Variants in PPFIA4 observed in about 807,000 individuals in gnomAD.
PPFIA4 encodes the protein PPFI scaffold protein A4.
A neutral mutation model predicts 145.7 loss-of-function variants in PPFIA4; 98 were observed. That is an observed-to-expected ratio of 0.67 (90% CI 0.57 to 0.80). The LOEUF is 0.80. Among genes scored for constraint, PPFIA4 ranks in the 30% least tolerant of loss-of-function variants. The pLI, the probability that PPFIA4 is intolerant of heterozygous loss-of-function variation, is 0.00. For synonymous variants in PPFIA4, 628 were observed against 649.6 expected (o/e 0.97, Z 0.51); for missense variants, 1,457 against 1,632.7 (o/e 0.89, Z 1.85).
At chr1:203,034,519 G>A (rs1242976568) in intron 1 of PPFIA4, 1 of 456,542 alleles carries the variant, frequency 2.2e-6, no homozygotes, top group African/African-American at 2.0e-5. Context: ...GCTCCGAAGA[G>A]TGTCTGTTTC....
chr1:203,055,692 CA>C lies in PPFIA4; in HGVS notation c.2070+21del. The C allele has an allele frequency of 1.2e-6, 2 of 1,612,494 alleles. No homozygotes were observed. Among genetic ancestry groups the C allele is most frequent in the Non-Finnish European group, 1.7e-6 (2 of 1,178,792 alleles). ...ACCCTGGTGAGAGGCAGCTGAGGAG[CA>C]GGCCTGGCATCACTGGACCCTGCAC... On this transcript the variant is annotated intron_variant, in intron 16 of 29. Transcript: ENST00000295706. The surrounding 1 kb of genome is among the most constrained non-coding windows in gnomAD (Gnocchi z 4.8).
intron 28 of PPFIA4, among the ~76,000 whole-genome samples, chr1:203,073,832 C>G (rs1244770279): frequency 6.6e-6 from 1 of 152,036 alleles, no homozygotes; most frequent in East Asian, 1.9e-4. Context: ...AGAAAAGAGG[C>G]TCTGGGCTAG....
chr1:203,059,220 T>C lies in PPFIA4; in HGVS notation c.2450T>C (p.Val817Ala). 1 of 1,557,450 alleles carries C rather than the reference T, an allele frequency of 6.4e-7. No homozygotes were observed. The highest frequency in any genetic ancestry group is 8.7e-7 in the Non-Finnish European group (1 of 1,143,478). ...DSEFSMQEPM[V>A]PAKLGTQAEK... Reference sequence around the variant, plus strand: ...GAATTCAGTATGCAGGAGCCTATGGTGCCTGCCAAGCTGGGGACCCAGGCA... The same window carrying C: ...GAATTCAGTATGCAGGAGCCTATGGCGCCTGCCAAGCTGGGGACCCAGGCA... Residue 817 changes from valine to alanine, a missense_variant, in exon 20 of 30, where the codon GTG becomes GCG. Physicochemically the swap from Val to Ala is moderately conservative, Grantham distance 64 (BLOSUM62 0). Coordinates refer to ENST00000295706, the MANE Select transcript of PPFIA4 (RefSeq NM_001304331.2).
chr1:203,060,515 C>A lies in PPFIA4; in HGVS notation c.2784+98C>A. Reference sequence around the variant, plus strand: ...CTTTGGGAAGATGGCAGCATTGAGCCCTGCCCCTTCCTTCCCATCCTCACA... The same window carrying A: ...CTTTGGGAAGATGGCAGCATTGAGCACTGCCCCTTCCTTCCCATCCTCACA... On this transcript the variant is annotated intron_variant, in intron 22 of 29. Coordinates refer to ENST00000295706, the MANE Select transcript of PPFIA4 (RefSeq NM_001304331.2). This position sits in a 1 kb window ranked among gnomAD's most constrained non-coding sequence, Gnocchi z 4.8. 8.2e-7 allele frequency: 1 copy of A among 1,225,936 alleles called. No homozygotes were observed. Among genetic ancestry groups the A allele is most frequent in the Non-Finnish European group, 1.2e-6 (1 of 857,592 alleles). The allele number at this position is 1,225,936 out of a possible 1,614,324, so 75.9% of individuals were successfully genotyped here.
chr1:203,059,320 C>T, intron 20 of PPFIA4, 49 bp downstream of exon 20: 1 of 1,402,964 alleles, frequency 7.1e-7, no homozygotes, highest in Non-Finnish European at 9.9e-7. Flanking sequence ...AGCCCCCTAC[C>T]CACTTCCCTT....
intron 25 of PPFIA4, 40 bp from the exon 26 acceptor site, chr1:203,067,655 G>A: frequency 6.4e-7 from 1 of 1,558,450 alleles, no homozygotes; most frequent in Non-Finnish European, 8.9e-7. Context: ...TGGGAATGTG[G>A]CCCCACTGAG....
At chr1:203,069,755 A>ACCCCCCCCCCCC (rs5780138) in intron 27 of PPFIA4, among the ~76,000 whole-genome samples, 63 of 104,794 alleles carry the variant, frequency 6.0e-4, no homozygotes, top group Non-Finnish European at 7.4e-4. Flanking sequence ...TTCTGCAGTG[A>ACCCCCCCCCCCC]CCCCCCCGCC....
chr1:203,058,663 AATTCAAGGAGATGTTT>A (rs1223764662), intron 19 of PPFIA4, among the ~76,000 whole-genome samples: 1 of 152,186 alleles, frequency 6.6e-6, no homozygotes, highest in East Asian at 1.9e-4. Context: ...TTCTAGCATC[AATTCAAGGAGATGTTT>A]AGTAGAAGAC....
chr1:203,037,805 A>C (rs1259287317), intron 1 of PPFIA4, among the ~76,000 whole-genome samples: 2 of 152,140 alleles, frequency 1.3e-5, no homozygotes, highest in African/African-American at 2.4e-5. Flanking sequence ...GCCCCACCCT[A>C]GGAGAGTGGC....
chr1:203,043,833 A>T lies in PPFIA4; in HGVS notation c.337-98A>T. The T allele has an allele frequency of 4.0e-6, 5 of 1,247,052 alleles. No individual in the cohort carries two copies. The highest frequency in any genetic ancestry group is 5.5e-6 in the Non-Finnish European group (5 of 908,926). 77.2% of individuals were successfully genotyped at this position (1,247,052 alleles called of 1,614,324 possible). ...AGTGTTTTCACAGTGGGGTGGCTGT[A>T]ACTCATGTCTGCTCGGGGATCACAT... On this transcript the variant is annotated intron_variant, in intron 3 of 29. Coordinates refer to ENST00000295706, the MANE Select transcript of PPFIA4 (RefSeq NM_001304331.2). The surrounding 1 kb of genome is among the most constrained non-coding windows in gnomAD (Gnocchi z 4.4).
chr1:203,053,966 G>A lies in PPFIA4; in HGVS notation c.1829+5G>A, dbSNP rs1229601624. On this transcript the variant is annotated splice_donor_5th_base_variant and intron_variant, in intron 15 of 29. Coordinates refer to ENST00000295706, the MANE Select transcript of PPFIA4 (RefSeq NM_001304331.2). The stretch of plus-strand genomic sequence containing the variant: ...TGCCATCAATGAGGAAATCAGGTTA[G>A]GGCAGGGCTGGAGGGCTTGGGAAGT... 1.3e-6 allele frequency: 2 copies of A among 1,558,512 alleles called. No homozygotes were observed. The highest frequency in any genetic ancestry group is 1.7e-6 in the Non-Finnish European group (2 of 1,151,476).
chr1:203,048,563 C>T lies in PPFIA4; in HGVS notation c.1225-20C>T, dbSNP rs924981091. ...TCCTCCCTGGGAGGGCGGCCTGGTG[C>T]GAGGCAGACGGCTGTGCAGGTGCGC... On this transcript the variant is annotated intron_variant, in intron 10 of 29. Transcript: ENST00000295706. This position sits in a 1 kb window ranked among gnomAD's most constrained non-coding sequence, Gnocchi z 5.8. The T allele has an allele frequency of 2.6e-5, 41 of 1,565,040 alleles. No homozygotes were observed. The highest frequency in any genetic ancestry group is 5.4e-5 in the African/African-American group (4 of 73,588).
chr1:203,060,282 C>T lies in PPFIA4; in HGVS notation c.2649C>T (p.Ile883=). 6.2e-7 allele frequency: 1 copy of T among 1,614,134 alleles called. No individual in the cohort carries two copies. Among genetic ancestry groups the T allele is most frequent in the Non-Finnish European group, 8.5e-7 (1 of 1,179,978 alleles). The stretch of plus-strand genomic sequence containing the variant: ...GGGCCAACGTCAAGAGTGGTGCCAT[C>T]ATGTCCGCTCTGTCGGACACAGAGA... ...ACRANVKSGA[I]MSALSDTEIQ... Residue 883 remains isoleucine (I), a synonymous_variant, in exon 22 of 30, where the codon ATC becomes ATT. Transcript: ENST00000295706. This position sits in a 1 kb window ranked among gnomAD's most constrained non-coding sequence, Gnocchi z 4.8.
At chr1:203,044,604 T>A (rs1210485264) in intron 5 of PPFIA4, 92 bp from the exon 6 acceptor site, 1 of 1,420,462 alleles carries the variant, frequency 7.0e-7, no homozygotes, top group East Asian at 2.5e-5. Flanking sequence ...TAGGAGACAT[T>A]TTTTAACTAA....
At chr1:203,034,737 A>G (rs1388462017) in intron 1 of PPFIA4, 3 of 456,266 alleles carry the variant, frequency 6.6e-6, no homozygotes, top group Non-Finnish European at 1.3e-5. Context: ...AGGACAGGGA[A>G]GGCCGAGGGG....
chr1:203,035,108 G>A (rs1659132408), intron 1 of PPFIA4: 4 of 349,830 alleles, frequency 1.1e-5, no homozygotes, highest in African/African-American at 4.3e-5. Flanking sequence ...GAAGACCCCC[G>A]CCCTCCCCAT....
At chr1:203,056,724 C>T (rs1660985865) in intron 18 of PPFIA4, 60 bp from the exon 19 acceptor site, 4 of 1,418,518 alleles carry the variant, frequency 2.8e-6, no homozygotes, top group African/African-American at 2.8e-5. Context: ...TTCCATCTTT[C>T]CTGCTGTCAC....
At chr1:203,053,636 G>T in intron 14 of PPFIA4, 117 bp from the exon 15 acceptor site, 1 of 803,178 alleles carries the variant, frequency 1.2e-6, no homozygotes, top group Non-Finnish European at 2.0e-6. Flanking sequence ...CTGAGATTCT[G>T]CATTTCCAGC....
In PPFIA4 at chr1:203,048,700, G is replaced by A. The variant is rs1265372815; in HGVS notation, c.1342G>A (p.Ala448Thr). The A allele has an allele frequency of 1.2e-6, 2 of 1,611,214 alleles. No homozygotes were observed. The highest frequency in any genetic ancestry group is 2.2e-5 in the East Asian group (1 of 44,788). ...GCTCCACCTGAAGGAGCGCATGGCT[G>A]CCCTGGAGGAGAAGGTGCCCAGAGG... ...LQLHLKERMAALEEKNTLIQE... is the reference protein window; with the variant it reads ...LQLHLKERMATLEEKNTLIQE... Residue 448 changes from alanine (A) to threonine (T), a missense_variant, in exon 11 of 30, where the codon GCC becomes ACC. By Grantham distance (58) the Ala-to-Thr change is moderately conservative. This residue lies in a region of PPFIA4 where 848 missense variants were observed against 1,046.7 expected (regional missense o/e 0.81). Transcript: ENST00000295706. The surrounding 1 kb of genome is among the most constrained non-coding windows in gnomAD (Gnocchi z 5.8).
Sources: gnomAD v4.1 joint callset for allele counts (sites outside exome capture counted in the v4.1 genomes callset) on GRCh38, gnomAD v4.1.1 for gene constraint, gnomAD v4.1.1 regional missense constraint, Gnocchi (gnomAD v3.1) non-coding constraint, MANE v1.5 for transcripts, NCBI Gene and HGNC (gene_info 2026-07-23, HGNC 2026-07-21) for gene names.